The following PTPRQ variants were observed in gnomAD, a reference collection of about 807,000 sequenced individuals.
PTPRQ encodes the protein phosphatidylinositol phosphatase PTPRQ.
PTPRQ carries 199 observed loss-of-function variants against 246.0 expected under a neutral mutation model. The observed-to-expected ratio is 0.81, with a 90% CI of 0.72 to 0.91. The LOEUF (loss-of-function observed/expected upper bound fraction) is 0.91. Ranked by LOEUF, PTPRQ falls within the 40% of genes least tolerant of loss-of-function variation. The probability of loss-of-function intolerance (pLI) is 0.00; values close to 1 mark genes in which losing one functional copy is unlikely to be tolerated. For missense variants in PTPRQ, 2,624 were observed against 2,528.4 expected, an observed-to-expected ratio of 1.04 and a Z score of -0.81; for synonymous variants, 869 against 853.2, an observed-to-expected ratio of 1.02 and a Z score of -0.32.
intron 3 of PTPRQ, among the ~76,000 whole-genome samples, chr12:80,450,130 T>A (rs989201396): frequency 1.3e-5 from 2 of 151,900 alleles, no homozygotes; most frequent in Non-Finnish European, 2.9e-5. Context: ...TTTTATTCTC[T>A]TTGAATCAAT....
At chr12:80,612,074 T>A (rs1329549129) in intron 28 of PTPRQ, among the ~76,000 whole-genome samples, 4 of 150,406 alleles carry the variant, frequency 2.7e-5, no homozygotes, top group African/African-American at 9.7e-5. Context: ...TTACTTAGTA[T>A]GGAAGGATAT....
intron 3 of PTPRQ, among the ~76,000 whole-genome samples, chr12:80,449,974 T>C (rs1175992338): frequency 6.6e-6 from 1 of 152,112 alleles, no homozygotes; most frequent in Non-Finnish European, 1.5e-5. Flanking sequence ...GGCAGTATGG[T>C]CATTTTCACG....
chr12:80,562,097 C>A (rs1333673926), intron 25 of PTPRQ, among the ~76,000 whole-genome samples: 4 of 152,040 alleles, frequency 2.6e-5, no homozygotes, highest in Non-Finnish European at 4.4e-5. Flanking sequence ...TAATATTGAA[C>A]CAGCCTTGGG....
intron 8 of PTPRQ, among the ~76,000 whole-genome samples, chr12:80,477,097 C>T (rs1475630197): frequency 6.6e-6 from 1 of 152,166 alleles, no homozygotes; most frequent in East Asian, 1.9e-4. Flanking sequence ...ACAACTAGAA[C>T]TTGCTTTAAG....
chr12:80,524,785 T>G (rs191425467), intron 17 of PTPRQ, among the ~76,000 whole-genome samples: 19 of 152,214 alleles, frequency 1.2e-4, no homozygotes, highest in African/African-American at 4.6e-4. Context: ...CTTGATGAGA[T>G]TAAGGACACA....
At chr12:80,619,604 AG>A in intron 31 of PTPRQ, 62 bp downstream of exon 31, 1 of 1,314,468 alleles carries the variant, frequency 7.6e-7, no homozygotes, top group Non-Finnish European at 9.8e-7. Flanking sequence ...AGTGCTAAAA[AG>A]AATTTAGTTC....
At chr12:80,592,438 T>C (rs1897829785) in intron 26 of PTPRQ, among the ~76,000 whole-genome samples, 1 of 152,096 alleles carries the variant, frequency 6.6e-6, no homozygotes, top group Non-Finnish European at 1.5e-5. Flanking sequence ...TTCTATTTAT[T>C]ATATTAAGTC....
At chr12:80,564,603 C>A (rs1896925597) in intron 25 of PTPRQ, among the ~76,000 whole-genome samples, 1 of 152,272 alleles carries the variant, frequency 6.6e-6, no homozygotes, top group East Asian at 1.9e-4. Context: ...GAATATATTT[C>A]TTGTGCTATT....
chr12:80,664,628 T>C (rs1440531754), intron 39 of PTPRQ, among the ~76,000 whole-genome samples: 3 of 152,070 alleles, frequency 2.0e-5, no homozygotes, highest in Admixed American at 6.6e-5. Context: ...ATTTACATTA[T>C]AGCCCCTTGA....
chr12:80,472,860 C>G (rs1324107820), intron 8 of PTPRQ, among the ~76,000 whole-genome samples: 1 of 152,086 alleles, frequency 6.6e-6, no homozygotes, highest in Non-Finnish European at 1.5e-5. Context: ...CTTTCAGGCC[C>G]ACACTGAACT....
At chr12:80,613,248 C>T (rs1321580351) in intron 28 of PTPRQ, among the ~76,000 whole-genome samples, 1 of 150,482 alleles carries the variant, frequency 6.6e-6, no homozygotes, top group Non-Finnish European at 1.5e-5. Context: ...CCTGTTTTTG[C>T]CACTTCTTTT....
chr12:80,644,722 C>A (rs1484923514), intron 35 of PTPRQ, among the ~76,000 whole-genome samples: 1 of 151,986 alleles, frequency 6.6e-6, no homozygotes, highest in East Asian at 1.9e-4. Context: ...CTAATTCTCT[C>A]TATAAATCAG....
In PTPRQ at chr12:80,534,903, C is replaced by A. The variant is rs1448395139; in HGVS notation, c.2851C>A (p.Pro951Thr). The change falls in exon 19 of 45, where the codon CCT becomes ACT. Residue 951 changes from proline (P) to threonine (T), a missense_variant. Physicochemically the swap from Pro to Thr is conservative, Grantham distance 38. Transcript: ENST00000644991. ...TATTTGTTTTATAGCACCAAGCGAT[C>A]CTCCCAAAGATGTTTATTATGCAAA... ...FQTPEGAPSDPPKDVYYANLS... is the reference protein window; with the variant it reads ...FQTPEGAPSDTPKDVYYANLS... 1.3e-6 allele frequency: 2 copies of A among 1,548,104 alleles called. No homozygotes were observed. Among genetic ancestry groups the A allele is most frequent in the African/African-American group, 1.4e-5 (1 of 72,894 alleles).
At chr12:80,590,227 C>G (rs1278237344) in intron 26 of PTPRQ, among the ~76,000 whole-genome samples, 1 of 152,154 alleles carries the variant, frequency 6.6e-6, no homozygotes, top group Non-Finnish European at 1.5e-5. Flanking sequence ...TTCAACCACA[C>G]CATCTAAACA....
chr12:80,511,685 C>A (rs1190632678), intron 17 of PTPRQ, among the ~76,000 whole-genome samples: 2 of 152,102 alleles, frequency 1.3e-5, no homozygotes, highest in East Asian at 1.9e-4. Flanking sequence ...GAGCTTCTTG[C>A]CATGTAAAAA....
At chr12:80,480,903 G>A (rs1894023109) in intron 8 of PTPRQ, among the ~76,000 whole-genome samples, 1 of 152,150 alleles carries the variant, frequency 6.6e-6, no homozygotes, top group African/African-American at 2.4e-5. Context: ...ACCAAAAAGA[G>A]TCCAGGACCG....
intron 25 of PTPRQ, among the ~76,000 whole-genome samples, chr12:80,550,604 T>G (rs1896445436): frequency 6.6e-6 from 1 of 152,126 alleles, no homozygotes; most frequent in Admixed American, 6.6e-5. Flanking sequence ...TCCTTAGATC[T>G]CATACCATGT....
intron 8 of PTPRQ, among the ~76,000 whole-genome samples, chr12:80,478,574 C>T (rs1893909902): frequency 6.6e-6 from 1 of 152,160 alleles, no homozygotes; most frequent in Non-Finnish European, 1.5e-5. Flanking sequence ...GATCAAATTA[C>T]TCTGAGCTAC....
At chr12:80,595,669 C>T (rs1897945786) in intron 26 of PTPRQ, among the ~76,000 whole-genome samples, 1 of 151,330 alleles carries the variant, frequency 6.6e-6, no homozygotes, top group Admixed American at 6.6e-5. Flanking sequence ...CACCCATTAA[C>T]TCATCATTTA....
Sources: allele counts gnomAD v4.1 joint callset (sites outside exome capture counted in the v4.1 genomes callset), GRCh38; gene constraint gnomAD v4.1.1; transcripts MANE v1.5; gene names NCBI Gene and HGNC (gene_info 2026-07-23, HGNC 2026-07-21).